RAB38: variants seen among roughly 807,000 people sequenced by gnomAD.
RAB38 encodes RAB38, member RAS oncogene family, also known as ras-related protein Rab-38.
RAB38 carries 15 observed loss-of-function variants against 18.4 expected under a neutral mutation model. That is an observed-to-expected ratio of 0.82 (90% CI 0.55 to 1.26). The LOEUF is 1.26. Among genes scored for constraint, RAB38 ranks in the 50% most tolerant of loss-of-function variants. The pLI is 0.00. For synonymous variants in RAB38, 101 were observed against 104.4 expected, an observed-to-expected ratio of 0.97 and a Z score of 0.20; for missense variants, 294 against 267.4, an observed-to-expected ratio of 1.10 and a Z score of -0.69.
the RAB38 span, among the ~76,000 whole-genome samples, chr11:88,019,205 C>A: frequency 1.3e-5 from 2 of 152,152 alleles, no homozygotes; most frequent in Non-Finnish European, 2.9e-5. Context: ...AATTTTTCCA[C>A]CTATACCACA....
the RAB38 span, among the ~76,000 whole-genome samples, chr11:87,943,548 C>A: frequency 1.7e-3 from 254 of 152,234 alleles, 3 homozygotes; most frequent in African/African-American, 5.9e-3. Context: ...GTCTCATTTT[C>A]TCGCCCATCT....
chr11:88,111,004 AGACAGT>A (rs944158653), downstream of RAB38, among the ~76,000 whole-genome samples: 9 of 152,100 alleles, frequency 5.9e-5, no homozygotes, highest in African/African-American at 2.2e-4. Flanking sequence ...AAAAAGACAG[AGACAGT>A]AAGAATACTA....
chr11:87,817,222 T>A, the RAB38 span: 31 of 152,150 alleles, frequency 2.0e-4, no homozygotes, highest in African/African-American at 6.5e-4. Context: ...CTGAAAACTT[T>A]TAAACTTTTA....
At chr11:87,852,271 G>A in the RAB38 span, among the ~76,000 whole-genome samples, 2 of 152,120 alleles carry the variant, frequency 1.3e-5, no homozygotes, top group African/African-American at 4.8e-5. Context: ...TCAGAGGAAA[G>A]GTGAAAAGGA....
the RAB38 span, among the ~76,000 whole-genome samples, chr11:87,887,910 A>G: frequency 7.0e-6 from 1 of 143,076 alleles, no homozygotes; most frequent in South Asian, 2.4e-4. Flanking sequence ...AAGCTTTGCT[A>G]TAAGAATCTT....
chr11:87,937,868 GTGT>G, the RAB38 span, among the ~76,000 whole-genome samples: 1 of 75,780 alleles, frequency 1.3e-5, no homozygotes, highest in African/African-American at 5.8e-5. Context: ...GCTCATTGAA[GTGT>G]TTTTTTTTTT....
the RAB38 span, among the ~76,000 whole-genome samples, chr11:88,100,417 A>G: frequency 9.9e-5 from 15 of 151,926 alleles, no homozygotes; most frequent in Non-Finnish European, 2.1e-4. Flanking sequence ...AACTGTAAGA[A>G]AATCATGTAA....
At chr11:88,015,052 ATT>A in the RAB38 span, among the ~76,000 whole-genome samples, 7,819 of 149,646 alleles carry the variant, frequency 0.052, 238 homozygotes, top group South Asian at 0.094. Flanking sequence ...AGTTGCCTGT[ATT>A]TTTTTTTTTT....
rs1943043202 is a variant in RAB38 at position 88,149,915 on chromosome 11, T to C, written c.243A>G (p.Arg81=). ...AGACAATAAATGCACCCATAGCTTC[T>C]CGGTAATAGACCCTCGTCATGTTTC... ...RFGNMTRVYY[R]EAMGAFIVFD... The change falls in exon 2 of 3, where the codon CGA becomes CGG. Residue 81 remains arginine (R), a synonymous_variant. Transcript: ENST00000243662. 1 of 1,614,138 alleles carries C rather than the reference T, an allele frequency of 6.2e-7. No individual in the cohort carries two copies. Among genetic ancestry groups the C allele is most frequent in the Non-Finnish European group, 8.5e-7 (1 of 1,180,010 alleles).
At chr11:88,110,805 C>T (rs1444056071), downstream of RAB38, among the ~76,000 whole-genome samples, 4 of 142,782 alleles carry the variant, frequency 2.8e-5, no homozygotes, top group African/African-American at 1.1e-4. Flanking sequence ...TACAGTGAGA[C>T]TCCATCTCAA....
the RAB38 span, among the ~76,000 whole-genome samples, chr11:87,827,763 A>G: frequency 6.6e-6 from 1 of 152,186 alleles, no homozygotes; most frequent in African/African-American, 2.4e-5. Context: ...AAAACTCATC[A>G]GCACACTGAA....
chr11:87,828,623 G>A, the RAB38 span, among the ~76,000 whole-genome samples: 2 of 152,318 alleles, frequency 1.3e-5, no homozygotes, highest in East Asian at 3.9e-4. Flanking sequence ...GAGGGCAAGT[G>A]CTGGACAGTG....
chr11:87,966,724 T>C, the RAB38 span, among the ~76,000 whole-genome samples: 1 of 152,220 alleles, frequency 6.6e-6, no homozygotes, highest in Non-Finnish European at 1.5e-5. Context: ...TCCTCCTTTA[T>C]ATAGACTCCA....
At chr11:87,848,839 T>G in the RAB38 span, among the ~76,000 whole-genome samples, 4 of 152,016 alleles carry the variant, frequency 2.6e-5, no homozygotes, top group African/African-American at 9.7e-5. Flanking sequence ...GGGAGAAAAT[T>G]AGTTATTAAT....
At chr11:87,910,592 G>A in the RAB38 span, among the ~76,000 whole-genome samples, 17 of 148,532 alleles carry the variant, frequency 1.1e-4, no homozygotes, top group South Asian at 2.1e-4. Context: ...GTGGTGTTAG[G>A]TCTTACATAT....
the RAB38 span, among the ~76,000 whole-genome samples, chr11:87,927,067 A>C: frequency 1.3e-5 from 2 of 152,040 alleles, no homozygotes; most frequent in Non-Finnish European, 2.9e-5. Context: ...CTTCATACTC[A>C]TTTATCGCAG....
intron 2 of RAB38, among the ~76,000 whole-genome samples, chr11:88,117,912 T>A (rs751314922): frequency 2.0e-5 from 3 of 152,194 alleles, no homozygotes; most frequent in Non-Finnish European, 4.4e-5. Flanking sequence ...AAGTTAACCA[T>A]CAGAAGAACA....
chr11:87,973,904 G>A, the RAB38 span, among the ~76,000 whole-genome samples: 48 of 151,940 alleles, frequency 3.2e-4, no homozygotes, highest in African/African-American at 1.1e-3. Flanking sequence ...CCTATTTTGA[G>A]GGATTTTCCC....
chr11:87,937,192 G>A, the RAB38 span, among the ~76,000 whole-genome samples: 1 of 151,046 alleles, frequency 6.6e-6, no homozygotes, highest in African/African-American at 2.4e-5. Flanking sequence ...TGCCTTTTCT[G>A]CTTTCATTGA....
Sources: allele counts gnomAD v4.1 joint callset (sites outside exome capture counted in the v4.1 genomes callset), GRCh38; gene constraint gnomAD v4.1.1; transcripts MANE v1.5; gene names NCBI Gene and HGNC (gene_info 2026-07-23, HGNC 2026-07-21).